The following SFSWAP variants were observed in gnomAD, a reference collection of about 807,000 sequenced individuals.
SFSWAP encodes splicing factor, suppressor of white-apricot homolog.
In SFSWAP, 17 loss-of-function variants were observed where a neutral mutation model predicts 100.7. The observed-to-expected ratio is 0.17, with a 90% CI of 0.12 to 0.25. The LOEUF is 0.25. Among genes scored for constraint, SFSWAP ranks in the 10% least tolerant of loss-of-function variants. The pLI is 1.00. For synonymous variants in SFSWAP, 504 were observed against 510.1 expected (o/e 0.99, Z 0.16); for missense variants, 1,005 against 1,262.6 (o/e 0.80, Z 3.09).
intron 7 of SFSWAP, among the ~76,000 whole-genome samples, chr12:131,736,961 AAC>A (rs1194927456): frequency 1.1e-4 from 16 of 152,082 alleles, no homozygotes; most frequent in South Asian, 2.1e-4. Context: ...ATCAGTCTAA[AAC>A]ACACGTGCCT....
At chr12:131,775,963 A>G (rs1034251612) in intron 13 of SFSWAP, among the ~76,000 whole-genome samples, 9 of 151,818 alleles carry the variant, frequency 5.9e-5, no homozygotes, top group Non-Finnish European at 1.2e-4. Context: ...TTAGCTGAGC[A>G]TGATGGCACA....
chr12:131,756,625 G>T lies in SFSWAP; in HGVS notation c.1701G>T (p.Pro567=). The change falls in exon 11 of 18, where the codon CCG becomes CCT. Residue 567 remains proline (P), a synonymous_variant. Coordinates refer to ENST00000261674, the MANE Select transcript of SFSWAP (RefSeq NM_004592.4). ...AGGCATCGTCCAGTAAGACCGTCCC[G>T]GACGGGAAGCTGGTGAAAGGTATGC... ...KKEASSSKTV[P]DGKLVKASFA... is the part of the protein sequence containing the mutation. 6.3e-7 allele frequency: 1 copy of T among 1,598,352 alleles called. No individual in the cohort carries two copies. Among genetic ancestry groups the T allele is most frequent in the Non-Finnish European group, 8.5e-7 (1 of 1,173,510 alleles).
intron 13 of SFSWAP, among the ~76,000 whole-genome samples, chr12:131,772,285 T>G (rs190534708): frequency 3.3e-5 from 5 of 152,370 alleles, no homozygotes; most frequent in Admixed American, 1.3e-4. Context: ...TCCATGTTCC[T>G]GTTCAGTCCC....
intron 8 of SFSWAP, chr12:131,753,575 A>G: frequency 3.2e-6 from 2 of 620,054 alleles, no homozygotes; most frequent in Non-Finnish European, 5.4e-6. Flanking sequence ...AAGTTAAACC[A>G]CTTATAAAGT....
At chr12:131,776,139 C>A (rs897658) in intron 13 of SFSWAP, among the ~76,000 whole-genome samples, 2 of 151,974 alleles carry the variant, frequency 1.3e-5, no homozygotes, top group Non-Finnish European at 2.9e-5. Context: ...AAAGTTTGAC[C>A]TGAAAAATAT....
chr12:131,719,175 C>G lies in SFSWAP; in HGVS notation c.521-279C>G, dbSNP rs187224568. 9.7e-4 allele frequency among the ~76,000 whole-genome samples: 147 copies of G among 152,208 alleles called. 1 individual carries two copies. Among genetic ancestry groups the G allele is most frequent in the Admixed American group, 9.2e-3 (140 of 15,278 alleles). Reference sequence around the variant, plus strand: ...GTCTGCAAGGGTCCTAGAACCAGTCCCCTGCGTATACCAAGGGAATACCGT... The same window carrying G: ...GTCTGCAAGGGTCCTAGAACCAGTCGCCTGCGTATACCAAGGGAATACCGT... On this transcript the variant is annotated intron_variant, in intron 3 of 17. Coordinates refer to ENST00000261674, the MANE Select transcript of SFSWAP (RefSeq NM_004592.4).
chr12:131,746,074 T>C (rs1881075991), intron 7 of SFSWAP, among the ~76,000 whole-genome samples: 2 of 152,232 alleles, frequency 1.3e-5, no homozygotes, highest in South Asian at 2.1e-4. Context: ...CACTAATACA[T>C]GTACATGCGT....
chr12:131,780,134 T>G (rs766133950), intron 14 of SFSWAP, among the ~76,000 whole-genome samples: 5 of 152,148 alleles, frequency 3.3e-5, no homozygotes, highest in Non-Finnish European at 7.4e-5. Context: ...TGACAAGCAT[T>G]TACACTCCTC....
At position 131,745,557 on chromosome 12, in the gene SFSWAP, G is replaced by A. The variant is rs151003000; in HGVS notation, c.1082-7566G>A. ...ATAAAAACAATTATTCTTGAATCGT[G>A]TTGTCAGTGCCTGACATTTACATGC... On this transcript the variant is annotated intron_variant, in intron 7 of 17. Transcript: ENST00000261674. Among the ~76,000 whole-genome samples the A allele has an allele frequency of 2.6e-4, 40 of 152,322 alleles. No individual in the cohort carries two copies. The East Asian group carries it at 7.7e-3, about 29-fold the overall frequency.
chr12:131,788,586 C>T (rs2136273875), intron 15 of SFSWAP, among the ~76,000 whole-genome samples: 1 of 149,672 alleles, frequency 6.7e-6, no homozygotes, highest in East Asian at 2.0e-4. Flanking sequence ...AGTGCAGTGG[C>T]GTAATCACAG....
rs545525605 is a variant in SFSWAP at position 131,730,349 on chromosome 12, G to A, written c.1081+1921G>A. Reference sequence around the variant, plus strand: ...TTTGCTTGAACCAAATGCATTGTCCGTGCACGTCCACCAGATCCCTGAAGC... The same window carrying A: ...TTTGCTTGAACCAAATGCATTGTCCATGCACGTCCACCAGATCCCTGAAGC... On this transcript the variant is annotated intron_variant, in intron 7 of 17. Transcript: ENST00000261674. This position sits in a 1 kb window ranked among gnomAD's most constrained non-coding sequence, Gnocchi z 4.0. Among the ~76,000 whole-genome samples, 12 of 152,312 alleles carry A rather than the reference G, an allele frequency of 7.9e-5. No individual in the cohort carries two copies. The highest frequency in any genetic ancestry group is 1.4e-4 in the African/African-American group (6 of 41,570).
chr12:131,735,702 A>G (rs1465001573), intron 7 of SFSWAP, among the ~76,000 whole-genome samples: 3 of 152,220 alleles, frequency 2.0e-5, no homozygotes, highest in Non-Finnish European at 4.4e-5. Context: ...AGCTGCACGC[A>G]GCGAGCAGAG....
intron 7 of SFSWAP, among the ~76,000 whole-genome samples, chr12:131,737,606 C>G (rs1463211384): frequency 1.3e-5 from 2 of 152,148 alleles, no homozygotes; most frequent in African/African-American, 4.8e-5. Context: ...TAGAGACTTG[C>G]ATACCCAGTA....
intron 14 of SFSWAP, chr12:131,783,809 TATATA>T (rs1884686835): frequency 7.5e-6 from 1 of 133,412 alleles, no homozygotes; most frequent in African/African-American, 2.6e-5. Context: ...TATATATATA[TATATA>T]TATATATAAT....
intron 15 of SFSWAP, among the ~76,000 whole-genome samples, chr12:131,788,127 A>G (rs1042711965): frequency 6.6e-6 from 1 of 152,266 alleles, no homozygotes; most frequent in African/African-American, 2.4e-5. Flanking sequence ...CCGTCTCAAC[A>G]GAAGAGGCCT....
At chr12:131,717,355 A>G (rs1878019708) in intron 3 of SFSWAP, among the ~76,000 whole-genome samples, 1 of 152,076 alleles carries the variant, frequency 6.6e-6, no homozygotes. Flanking sequence ...TATCCTTTAG[A>G]TGTTCATAAT....
At chr12:131,788,307 A>G (rs1290584033) in intron 15 of SFSWAP, among the ~76,000 whole-genome samples, 1 of 152,218 alleles carries the variant, frequency 6.6e-6, no homozygotes, top group African/African-American at 2.4e-5. Flanking sequence ...AAGAGAAGCA[A>G]AGGGTTAGAC....
chr12:131,779,206 A>AAGAGGGCGGCGCGG (rs1884271234), intron 14 of SFSWAP, among the ~76,000 whole-genome samples: 1 of 148,862 alleles, frequency 6.7e-6, no homozygotes, highest in Non-Finnish European at 1.5e-5. Context: ...AGCGCGGATG[A>AAGAGGGCGGCGCGG]GTGTGTGTGA....
At chr12:131,736,108 A>T (rs1451644658) in intron 7 of SFSWAP, among the ~76,000 whole-genome samples, 3 of 152,202 alleles carry the variant, frequency 2.0e-5, no homozygotes, top group Admixed American at 6.5e-5. Context: ...ACAAGGCGGC[A>T]CCAGCACAGA....
Sources: gnomAD v4.1 joint callset for allele counts (sites outside exome capture counted in the v4.1 genomes callset) on GRCh38, gnomAD v4.1.1 for gene constraint, Gnocchi (gnomAD v3.1) non-coding constraint, MANE v1.5 for transcripts, NCBI Gene and HGNC (gene_info 2026-07-23, HGNC 2026-07-21) for gene names.